The following FAM53A variants were observed in gnomAD, a reference collection of about 807,000 sequenced individuals.
FAM53A encodes protein FAM53A.
A neutral mutation model predicts 26.6 loss-of-function variants in FAM53A; 28 were observed. The ratio of observed to expected loss-of-function variants is 1.05; its 90% CI spans 0.78 to 1.45. FAM53A has a LOEUF of 1.45. FAM53A is among the 40% of genes most tolerant of loss of function. The probability of loss-of-function intolerance (pLI) is 0.00; values close to 1 mark genes in which losing one functional copy is unlikely to be tolerated. For missense variants in FAM53A, 650 were observed against 575.8 expected, an observed-to-expected ratio of 1.13 and a Z score of -1.32; for synonymous variants, 290 against 253.1, an observed-to-expected ratio of 1.15 and a Z score of -1.38.
At chr4:1,598,310 A>C in the FAM53A span, among the ~76,000 whole-genome samples, 1 of 152,210 alleles carries the variant, frequency 6.6e-6, no homozygotes, top group African/African-American at 2.4e-5. Flanking sequence ...AGTGTGCGGG[A>C]AAAACGTGGG....
intron 4 of FAM53A, among the ~76,000 whole-genome samples, chr4:1,642,212 C>T (rs923402172): frequency 1.3e-5 from 2 of 152,180 alleles, no homozygotes; most frequent in African/African-American, 4.8e-5. Context: ...CTAATAGTTA[C>T]TCTAATAGAA....
intron 1 of FAM53A, among the ~76,000 whole-genome samples, chr4:1,681,299 T>C (rs13129308): frequency 0.33 from 50,023 of 151,812 alleles, 9,751 homozygotes; most frequent in East Asian, 0.68. Flanking sequence ...GGTTTCGCCA[T>C]GTTGGCCAAG....
chr4:1,665,851 G>A (rs1714182256), intron 2 of FAM53A, among the ~76,000 whole-genome samples: 1 of 152,082 alleles, frequency 6.6e-6, no homozygotes, highest in Non-Finnish European at 1.5e-5. Context: ...GGAGGCAGGG[G>A]CTGAAGAGCT....
At chr4:1,674,598 G>A (rs1030567944) in intron 1 of FAM53A, among the ~76,000 whole-genome samples, 28 of 151,766 alleles carry the variant, frequency 1.8e-4, no homozygotes, top group African/African-American at 3.4e-4. Context: ...GAACCCAGGA[G>A]GCGGAGGTTG....
chr4:1,659,960 G>A lies in FAM53A; in HGVS notation c.76-2492C>T, dbSNP rs1157000895. Among the ~76,000 whole-genome samples the A allele has an allele frequency of 6.6e-6, 1 of 152,158 alleles. No individual in the cohort carries two copies. The highest frequency in any genetic ancestry group is 1.5e-5 in the Non-Finnish European group (1 of 68,034). ...TTGAGGGTGAGGACTTCAACATATG[G>A]GTTTCGGGGAATGTGAACATGCAAC... On this transcript the variant is annotated intron_variant, in intron 2 of 4. Transcript: ENST00000308132. The surrounding 1 kb of genome is among the most constrained non-coding windows in gnomAD (Gnocchi z 5.2).
At chr4:1,652,421 C>T (rs2108883836) in intron 4 of FAM53A, among the ~76,000 whole-genome samples, 1 of 148,422 alleles carries the variant, frequency 6.7e-6, no homozygotes, top group African/African-American at 2.5e-5. Flanking sequence ...ACACACGCCA[C>T]ATACACACCA....
chr4:1,616,419 G>A (rs919981518), downstream of FAM53A, among the ~76,000 whole-genome samples: 3 of 152,284 alleles, frequency 2.0e-5, no homozygotes, highest in African/African-American at 7.2e-5. Flanking sequence ...TGGATGACAC[G>A]GGAGCCGAGC....
chr4:1,614,378 G>C (rs376249079), downstream of FAM53A, among the ~76,000 whole-genome samples: 140 of 143,242 alleles, frequency 9.8e-4, 2 homozygotes, highest in African/African-American at 3.7e-3. Context: ...ACGTGAGGGG[G>C]ATGCAGAGAC....
chr4:1,646,750 C>T lies in FAM53A; in HGVS notation c.883-5143G>A, dbSNP rs576397783. Among the ~76,000 whole-genome samples, 8 of 152,322 alleles carry T rather than the reference C, an allele frequency of 5.3e-5. No individual in the cohort carries two copies. In the East Asian group the frequency reaches 1.5e-3, roughly 29 times the overall value. Reference sequence around the variant, plus strand: ...CTAGCCCATGATGTAACTGCTGGCCCCAAAGCTGCCTGCCTGTCTGAAGAA... The same window carrying T: ...CTAGCCCATGATGTAACTGCTGGCCTCAAAGCTGCCTGCCTGTCTGAAGAA... On this transcript the variant is annotated intron_variant, in intron 4 of 4. Transcript: ENST00000308132.
At chr4:1,644,352 G>T (rs956172274) in intron 4 of FAM53A, 2 of 1,535,458 alleles carry the variant, frequency 1.3e-6, no homozygotes, top group African/African-American at 2.7e-5. Context: ...GCTAGAGCGT[G>T]AAAACAGCAG....
chr4:1,669,022 A>T (rs1714446498), intron 1 of FAM53A, 117 bp from the exon 2 acceptor site: 2 of 360,928 alleles, frequency 5.5e-6, no homozygotes, highest in African/African-American at 2.1e-5. Flanking sequence ...CACCTCACAA[A>T]CACCCTCCCA....
intron 4 of FAM53A, among the ~76,000 whole-genome samples, chr4:1,653,048 C>A (rs1370075019): frequency 6.6e-6 from 1 of 151,048 alleles, no homozygotes; most frequent in Non-Finnish European, 1.5e-5. Context: ...ACACATAGAC[C>A]ACACACCACC....
chr4:1,578,146 C>A, the FAM53A span, among the ~76,000 whole-genome samples: 15 of 152,272 alleles, frequency 9.9e-5, no homozygotes, highest in Admixed American at 2.6e-4. Flanking sequence ...CAGGCCCCCC[C>A]CAAGCCTGGA....
At chr4:1,608,715 C>T in the FAM53A span, among the ~76,000 whole-genome samples, 420 of 152,288 alleles carry the variant, frequency 2.8e-3, 4 homozygotes, top group African/African-American at 9.5e-3. Flanking sequence ...GCCTCAGCCC[C>T]GTCCATCACT....
chr4:1,676,510 T>G (rs554097757), intron 1 of FAM53A, among the ~76,000 whole-genome samples: 1 of 152,238 alleles, frequency 6.6e-6, no homozygotes, highest in South Asian at 2.1e-4. Context: ...TAAAACAAGC[T>G]GTATTTTATT....
chr4:1,579,252 G>A, the FAM53A span, among the ~76,000 whole-genome samples: 4 of 102,624 alleles, frequency 3.9e-5, no homozygotes, highest in Admixed American at 3.8e-4. Flanking sequence ...CCAGAGCCCC[G>A]GCCCCCGGCC....
At chr4:1,591,584 C>T in the FAM53A span, among the ~76,000 whole-genome samples, 1 of 152,204 alleles carries the variant, frequency 6.6e-6, no homozygotes, top group African/African-American at 2.4e-5. Context: ...ACATCAAATA[C>T]CCTAGTTCAT....
the FAM53A span, among the ~76,000 whole-genome samples, chr4:1,608,568 AGT>A: frequency 6.6e-6 from 1 of 152,134 alleles, no homozygotes; most frequent in Admixed American, 6.5e-5. Flanking sequence ...GGGAGGGCCC[AGT>A]GGGTGGGGGA....
At chr4:1,608,401 T>C in the FAM53A span, among the ~76,000 whole-genome samples, 2 of 152,140 alleles carry the variant, frequency 1.3e-5, no homozygotes, top group South Asian at 2.1e-4. Context: ...GGCCTGAAAC[T>C]GCGTGGATCT....
Sources: allele counts gnomAD v4.1 joint callset (sites outside exome capture counted in the v4.1 genomes callset), GRCh38; gene constraint gnomAD v4.1.1; non-coding constraint Gnocchi (gnomAD v3.1); transcripts MANE v1.5; gene names NCBI Gene and HGNC (gene_info 2026-07-23, HGNC 2026-07-21).